CRELD2: variants seen among roughly 807,000 people sequenced by gnomAD.
CRELD2 encodes the protein CRELD disulfide isomerase 2, also known as protein disulfide isomerase CRELD2.
In CRELD2, 33 loss-of-function variants were observed where a neutral mutation model predicts 48.1. The ratio of observed to expected loss-of-function variants is 0.69; its 90% CI spans 0.52 to 0.92. CRELD2 has a LOEUF of 0.92. CRELD2 is among the 40% of genes least tolerant of loss of function. CRELD2 has a pLI of 0.00. For missense variants in CRELD2, 477 were observed against 482.4 expected (o/e 0.99, Z 0.10); for synonymous variants, 220 against 203.9 (o/e 1.08, Z -0.67).
Position 49,921,573 on chromosome 22 carries a change from T to C in CRELD2, c.416-12T>C. On this transcript the variant is annotated splice_polypyrimidine_tract_variant and intron_variant, in intron 4 of 9. Transcript: ENST00000328268. The stretch of plus-strand genomic sequence containing the variant: ...CAGGTGTGCTCTGAGCATGGTTTTG[T>C]GTCCCCTAAAGCATGCCAGGGCGGA... The C allele has an allele frequency of 6.2e-7, 1 of 1,609,762 alleles. No homozygotes were observed. Among genetic ancestry groups the C allele is most frequent in the African/African-American group, 1.3e-5 (1 of 74,992 alleles).
At chr22:49,924,757 T>C (rs367562561) in intron 8 of CRELD2, 4 of 245,680 alleles carry the variant, frequency 1.6e-5, no homozygotes, top group East Asian at 1.0e-4. Context: ...TGGGTGGCGA[T>C]TGCCCCGAGG....
At position 49,924,581 on chromosome 22, in the gene CRELD2, C is replaced by G. The variant is rs1569187620; in HGVS notation, c.868+126C>G. 1.4e-5 allele frequency: 9 copies of G among 643,978 alleles called. 1 individual carries two copies. The South Asian group carries it at 1.6e-4, about 12-fold the overall frequency. The allele number at this position is 643,978 out of a possible 1,614,324, so 39.9% of individuals were successfully genotyped here. A position where few individuals can be genotyped will look rare whatever the true frequency, so the allele number is the denominator to read the frequency against. On this transcript the variant is annotated intron_variant, in intron 8 of 9. Coordinates refer to ENST00000328268, the MANE Select transcript of CRELD2 (RefSeq NM_024324.5). The stretch of plus-strand genomic sequence containing the variant: ...ACCCGTCCTGCAGACGTGGCTCCCC[C>G]AGGGTCACTGTGCACTCGCCCTGAG...
chr22:49,925,464 G>A lies in CRELD2; in HGVS notation c.916G>A (p.Glu306Lys), dbSNP rs776108424. 49 of 1,613,638 alleles carry A rather than the reference G, an allele frequency of 3.0e-5. No homozygotes were observed. Among genetic ancestry groups the A allele is most frequent in the Non-Finnish European group, 4.1e-5 (48 of 1,179,860 alleles). Residue 306 changes from glutamate to lysine, a missense_variant, in exon 9 of 10, where the codon GAA becomes AAA. Transcript: ENST00000328268. The part of the protein sequence containing the change: ...LAEKTCVRKN[E>K]NCYNTPGSYV... The stretch of plus-strand genomic sequence containing the variant: ...AGAAAAAACCTGTGTGAGGAAAAAC[G>A]AAAACTGCTACAATACTCCAGGGAG...
In CRELD2 at chr22:49,925,401, A is replaced by G. The variant is rs777030944; in HGVS notation, c.869-16A>G. On this transcript the variant is annotated splice_polypyrimidine_tract_variant and intron_variant, in intron 8 of 9. Transcript: ENST00000328268. ...CTGAGCAAAGTAATTATTAAAACGGAGTCTTTTCATTTTAGATGTGGACGA... is the reference window on the plus strand; with the variant it reads ...CTGAGCAAAGTAATTATTAAAACGGGGTCTTTTCATTTTAGATGTGGACGA... 6.6e-7 allele frequency: 1 copy of G among 1,507,392 alleles called. No homozygotes were observed. The highest frequency in any genetic ancestry group is 1.8e-5 in the Admixed American group (1 of 55,900). 93.4% of individuals were successfully genotyped at this position (1,507,392 alleles called of 1,614,324 possible). A position where few individuals can be genotyped will look rare whatever the true frequency, so the allele number is the denominator to read the frequency against.
At chr22:49,920,811 C>G (rs2078902113) in intron 4 of CRELD2, among the ~76,000 whole-genome samples, 1 of 152,236 alleles carries the variant, frequency 6.6e-6, no homozygotes, top group Non-Finnish European at 1.5e-5. Context: ...GTTTCAGGTT[C>G]AGACCCCCCA....
At position 49,919,769 on chromosome 22, in the gene CRELD2, G is replaced by A; in HGVS notation, c.252G>A (p.Glu84=). 6.2e-7 allele frequency: 1 copy of A among 1,612,602 alleles called. No individual in the cohort carries two copies. The highest frequency in any genetic ancestry group is 8.5e-7 in the Non-Finnish European group (1 of 1,179,462). Residue 84 remains glutamate, a synonymous_variant, in exon 3 of 10, where the codon GAG becomes GAA. Transcript: ENST00000328268. ...RLLEILEGLC[E]SSDFECNQML... is the part of the protein sequence containing the mutation. The stretch of plus-strand genomic sequence containing the variant: ...TGGAGATCCTGGAGGGGCTGTGCGA[G>A]AGCAGCGACTTCGAATGCAATCAGA...
Position 49,918,798 on chromosome 22 carries a change from GGCTCCTGCC to G in CRELD2, c.33_41del (p.Pro13_Leu15del). On this transcript the variant is annotated inframe_deletion, in exon 1 of 10. Coordinates refer to ENST00000328268, the MANE Select transcript of CRELD2 (RefSeq NM_024324.5). ...CGCCTGCCGCGCCGGGCCGCGCTGG[GGCTCCTGCC>G]GCTTCTGCTGCTGCTGCCGCCCGCG... The G allele has an allele frequency of 7.6e-7, 1 of 1,320,290 alleles. No individual in the cohort carries two copies. The highest frequency in any genetic ancestry group is 9.6e-7 in the Non-Finnish European group (1 of 1,036,752). 81.8% of individuals were successfully genotyped at this position (1,320,290 alleles called of 1,614,324 possible).
At chr22:49,921,066 A>G (rs2060681115) in intron 4 of CRELD2, among the ~76,000 whole-genome samples, 1 of 151,984 alleles carries the variant, frequency 6.6e-6, no homozygotes, top group Non-Finnish European at 1.5e-5. Context: ...CGTGCACTCC[A>G]CACGCCACAC....
At chr22:49,920,323 GCA>G (rs1193201375) in intron 4 of CRELD2, 76 bp downstream of exon 4, 12 of 1,055,726 alleles carry the variant, frequency 1.1e-5, no homozygotes, top group Non-Finnish European at 1.7e-5. Context: ...GGAGGTAAAA[GCA>G]CAGAGGGGAC....
At chr22:49,921,913 C>A in intron 5 of CRELD2, 152 bp downstream of exon 5, 1 of 765,716 alleles carries the variant, frequency 1.3e-6, no homozygotes, top group Non-Finnish European at 2.1e-6. Flanking sequence ...TGAATGAAAA[C>A]ATCAGAGGAT....
intron 6 of CRELD2, among the ~76,000 whole-genome samples, 156 bp downstream of exon 6, chr22:49,922,863 G>GA (rs2060711801): frequency 1.5e-5 from 1 of 64,584 alleles, no homozygotes; most frequent in Admixed American, 1.3e-4. Context: ...TGTGGGGCTT[G>GA]GGGTGTGGGG....
At chr22:49,921,846 G>A in intron 5 of CRELD2, 85 bp downstream of exon 5, 1 of 1,386,144 alleles carries the variant, frequency 7.2e-7, no homozygotes. Flanking sequence ...GATGGGAACA[G>A]GGGCCTGTTG....
chr22:49,921,274 G>A (rs2060683637), intron 4 of CRELD2: 2 of 359,608 alleles, frequency 5.6e-6, no homozygotes, highest in Admixed American at 4.3e-5. Context: ...TAGGCAATAA[G>A]AGCCGCTCAG....
intron 4 of CRELD2, 104 bp downstream of exon 4, chr22:49,920,351 T>C (rs1195403478): frequency 5.1e-6 from 4 of 787,026 alleles, no homozygotes; most frequent in Non-Finnish European, 8.4e-6. Context: ...GTGCATCAGC[T>C]TTCTGTAGGG....
intron 4 of CRELD2, chr22:49,921,196 G>A (rs897751963): frequency 1.1e-5 from 2 of 188,320 alleles, no homozygotes; most frequent in Non-Finnish European, 2.2e-5. Flanking sequence ...CATTTGGCAC[G>A]TGGTAAGAAT....
At chr22:49,923,923 C>G (rs1002205147) in intron 7 of CRELD2, 4 of 242,012 alleles carry the variant, frequency 1.7e-5, no homozygotes, top group Admixed American at 5.2e-5. Flanking sequence ...AGGAGGCCGC[C>G]TCTGCCCCGT....
intron 2 of CRELD2, 76 bp downstream of exon 2, chr22:49,919,388 G>A (rs892573575): frequency 7.3e-7 from 1 of 1,365,942 alleles, no homozygotes; most frequent in Non-Finnish European, 1.0e-6. Flanking sequence ...TTTGGTGCCT[G>A]TGTTAATGAC....
rs116714068 is a variant in CRELD2 at position 49,920,051 on chromosome 22, T to C, written c.324-105T>C. On this transcript the variant is annotated intron_variant, in intron 3 of 9. Coordinates refer to ENST00000328268, the MANE Select transcript of CRELD2 (RefSeq NM_024324.5). ...TTCTGTCCACACCTAGACTCTTGTT[T>C]CCTGGACCTTACAATACTCCAGAGC... 1.3e-3 allele frequency: 1,069 copies of C among 831,024 alleles called. 12 individuals carry two copies. In the African/African-American group the frequency reaches 0.014, roughly 11 times the overall value. The allele number at this position is 831,024 out of a possible 1,614,324, so 51.5% of individuals were successfully genotyped here.
intron 9 of CRELD2, chr22:49,925,758 A>T: frequency 1.4e-6 from 2 of 1,400,332 alleles, no homozygotes; most frequent in Non-Finnish European, 1.9e-6. Context: ...ATGAAGCCCC[A>T]GGTTCACAGC....
Sources: gnomAD v4.1 joint callset for allele counts (sites outside exome capture counted in the v4.1 genomes callset) on GRCh38, gnomAD v4.1.1 for gene constraint, MANE v1.5 for transcripts, NCBI Gene and HGNC (gene_info 2026-07-23, HGNC 2026-07-21) for gene names.